Variants in SMYD3 observed in about 807,000 individuals in gnomAD.
The protein encoded by SMYD3 is SET and MYND domain containing 3.
SMYD3 carries 36 observed loss-of-function variants against 57.7 expected under a neutral mutation model. The observed-to-expected ratio is 0.62, with a 90% confidence interval of 0.48 to 0.82. The LOEUF (loss-of-function observed/expected upper bound fraction) is 0.82. Ranked by LOEUF, SMYD3 falls within the 40% of genes least tolerant of loss-of-function variation. The probability of loss-of-function intolerance (pLI) is 0.00; values close to 1 mark genes in which losing one functional copy is unlikely to be tolerated. For missense variants in SMYD3, 515 were observed against 538.8 expected (o/e 0.96, Z 0.44); for synonymous variants, 211 against 195.0 (o/e 1.08, Z -0.68).
chr1:246,206,644 G>A (rs2063004953), intron 5 of SMYD3, among the ~76,000 whole-genome samples: 1 of 152,078 alleles, frequency 6.6e-6, no homozygotes, highest in South Asian at 2.1e-4. Flanking sequence ...CTGCATAAAG[G>A]CAATTTGGGG....
intron 5 of SMYD3, among the ~76,000 whole-genome samples, chr1:246,161,851 C>G (rs1331572198): frequency 6.6e-6 from 1 of 152,160 alleles, no homozygotes; most frequent in African/African-American, 2.4e-5. Context: ...TGACTCTTCT[C>G]TAGTTAAGCC....
intron 10 of SMYD3, among the ~76,000 whole-genome samples, chr1:245,856,715 T>C (rs762603381): frequency 6.6e-6 from 1 of 152,152 alleles, no homozygotes; most frequent in African/African-American, 2.4e-5. Context: ...ATGTAAAGTT[T>C]CTGTGCTTAA....
intron 5 of SMYD3, among the ~76,000 whole-genome samples, chr1:246,068,319 A>G (rs927094226): frequency 6.6e-6 from 1 of 152,136 alleles, no homozygotes; most frequent in Non-Finnish European, 1.5e-5. Context: ...CACGCAGCAA[A>G]AAGCTGTCAT....
intron 5 of SMYD3, among the ~76,000 whole-genome samples, chr1:246,185,869 A>G (rs1399538734): frequency 2.6e-5 from 4 of 152,238 alleles, no homozygotes; most frequent in Non-Finnish European, 5.9e-5. Flanking sequence ...TTTTACATAC[A>G]TAACATACTT....
chr1:246,415,328 C>T (rs1416814320), intron 1 of SMYD3, among the ~76,000 whole-genome samples: 1 of 152,150 alleles, frequency 6.6e-6, no homozygotes, highest in East Asian at 1.9e-4. Context: ...GTGTTGTGGG[C>T]TCACCCCCCA....
At chr1:245,958,280 C>A (rs2057907942) in intron 5 of SMYD3, among the ~76,000 whole-genome samples, 1 of 152,170 alleles carries the variant, frequency 6.6e-6, no homozygotes, top group South Asian at 2.1e-4. Context: ...TATAAAATAA[C>A]ATTCTGACAA....
At chr1:245,829,956 TG>T (rs934115633) in intron 10 of SMYD3, among the ~76,000 whole-genome samples, 7 of 151,784 alleles carry the variant, frequency 4.6e-5, no homozygotes, top group Non-Finnish European at 1.0e-4. Context: ...ATCTAGGGAC[TG>T]GGGGGCTGGG....
rs1025391074 is a variant in SMYD3, at chr1:245,900,723, C to T, written c.813+14807G>A. On this transcript the variant is annotated intron_variant, in intron 8 of 11. Coordinates refer to ENST00000490107, the MANE Select transcript of SMYD3 (RefSeq NM_001167740.2). ...AATAAAACTAAGATCACTATGACCC[C>T]CATTTTAATAAAAGATCATCATTCA... 1.9e-4 allele frequency among the ~76,000 whole-genome samples: 29 copies of T among 152,286 alleles called. 1 individual carries two copies. The highest frequency in any genetic ancestry group is 1.8e-3 in the Admixed American group (28 of 15,304).
At chr1:245,997,442 C>T (rs539549307) in intron 5 of SMYD3, among the ~76,000 whole-genome samples, 1 of 152,352 alleles carries the variant, frequency 6.6e-6, no homozygotes, top group Admixed American at 6.5e-5. Flanking sequence ...CCTCAACATG[C>T]TTCTGATAGA....
chr1:246,269,533 CTTTT>C (rs139750750), intron 5 of SMYD3, among the ~76,000 whole-genome samples: 8 of 138,788 alleles, frequency 5.8e-5, no homozygotes, highest in Admixed American at 1.4e-4. Flanking sequence ...CTTTCTGTTT[CTTTT>C]TTTTTCTTTT....
At chr1:246,078,005 C>T (rs1266357077) in intron 5 of SMYD3, among the ~76,000 whole-genome samples, 1 of 151,828 alleles carries the variant, frequency 6.6e-6, no homozygotes, top group Non-Finnish European at 1.5e-5. Context: ...ATGTTGGCAG[C>T]CTCTTTTAAA....
At chr1:245,931,141 T>C (rs1399296125) in intron 5 of SMYD3, among the ~76,000 whole-genome samples, 3 of 152,156 alleles carry the variant, frequency 2.0e-5, no homozygotes, top group Admixed American at 6.5e-5. Context: ...CTGAAGAAGA[T>C]AGAAAGCCAC....
At chr1:246,486,449 CTTGAA>C (rs1029536049) in intron 1 of SMYD3, among the ~76,000 whole-genome samples, 2 of 152,158 alleles carry the variant, frequency 1.3e-5, no homozygotes, top group Non-Finnish European at 2.9e-5. Context: ...CACTCCAATT[CTTGAA>C]TTGATATTTA....
intron 1 of SMYD3, among the ~76,000 whole-genome samples, chr1:246,488,577 T>C (rs1445325657): frequency 6.6e-6 from 1 of 152,140 alleles, no homozygotes; most frequent in Non-Finnish European, 1.5e-5. Context: ...TCTCAGGTAC[T>C]GGGGAATCTG....
In SMYD3 at chr1:246,355,083, A is replaced by G. The variant is rs146113064; in HGVS notation, c.176T>C (p.Leu59Pro). ...GACGCGGCACTGAGAGCATCGCATC[A>G]GCTTTTCCTTCCTGTGGGGAAAAAA... ...CDRCLLGKEKLMRCSQCRVAK... is the reference protein window; with the variant it reads ...CDRCLLGKEKPMRCSQCRVAK... Residue 59 changes from leucine (L) to proline (P), a missense_variant, in exon 2 of 12, where the codon CTG (leucine) becomes CCG (proline). Leu to Pro is a moderately conservative substitution (Grantham distance 98). Transcript: ENST00000490107. This position sits in a 1 kb window ranked among gnomAD's most constrained non-coding sequence, Gnocchi z 5.0. The G allele has an allele frequency of 5.3e-5, 85 of 1,614,088 alleles. No individual in the cohort carries two copies. The highest frequency in any genetic ancestry group is 6.9e-5 in the Non-Finnish European group (81 of 1,180,032).
chr1:245,866,628 AG>A (rs2051866364), intron 8 of SMYD3, among the ~76,000 whole-genome samples: 2 of 152,122 alleles, frequency 1.3e-5, no homozygotes, highest in Non-Finnish European at 2.9e-5. Context: ...GATACTTGGG[AG>A]GCTGAGGCAG....
chr1:246,258,757 G>A (rs552635173), intron 5 of SMYD3, among the ~76,000 whole-genome samples: 2 of 152,268 alleles, frequency 1.3e-5, no homozygotes, highest in South Asian at 4.2e-4. Context: ...GTAACTGGAT[G>A]TCTACCTCTC....
chr1:246,380,534 T>C (rs75855891), intron 1 of SMYD3, among the ~76,000 whole-genome samples: 6,328 of 152,370 alleles, frequency 0.042, 199 homozygotes, highest in Non-Finnish European at 0.064. Flanking sequence ...GACCTTCTTC[T>C]GAATGCCATA....
chr1:246,081,159 C>T (rs562450537), intron 5 of SMYD3, among the ~76,000 whole-genome samples: 1 of 152,318 alleles, frequency 6.6e-6, no homozygotes, highest in African/African-American at 2.4e-5. Context: ...CATTGATTCG[C>T]TCTGGGAAGA....
Sources: allele counts gnomAD v4.1 joint callset (sites outside exome capture counted in the v4.1 genomes callset), GRCh38; gene constraint gnomAD v4.1.1; non-coding constraint Gnocchi (gnomAD v3.1); transcripts MANE v1.5; gene names NCBI Gene and HGNC (gene_info 2026-07-23, HGNC 2026-07-21).